The following CCDC40 variants were observed in gnomAD, a reference collection of about 807,000 sequenced individuals.
The protein encoded by CCDC40 is coiled-coil domain-containing protein 40.
In CCDC40, 104 loss-of-function variants were observed where a neutral mutation model predicts 124.5. The ratio of observed to expected loss-of-function variants is 0.84; its 90% confidence interval spans 0.71 to 0.98. The LOEUF (loss-of-function observed/expected upper bound fraction) is 0.98. CCDC40 is among the 50% of genes least tolerant of loss of function. The pLI is 0.00. For missense variants in CCDC40, 1,463 were observed against 1,503.9 expected, an observed-to-expected ratio of 0.97 and a Z score of 0.45; for synonymous variants, 580 against 602.9, an observed-to-expected ratio of 0.96 and a Z score of 0.56.
At chr17:80,071,024 C>T (rs1335487670) in intron 10 of CCDC40, among the ~76,000 whole-genome samples, 2 of 152,184 alleles carry the variant, frequency 1.3e-5, no homozygotes, top group Non-Finnish European at 2.9e-5. Flanking sequence ...AAGACCGCAG[C>T]GGTCCAGGCA....
intron 7 of CCDC40, among the ~76,000 whole-genome samples, chr17:80,054,987 T>A (rs533124738): frequency 5.5e-5 from 8 of 145,786 alleles, no homozygotes; most frequent in Admixed American, 3.4e-4. Flanking sequence ...AAAAAAAAAA[T>A]AAATAAATCA....
intron 10 of CCDC40, chr17:80,067,789 A>C: frequency 2.1e-6 from 3 of 1,457,490 alleles, no homozygotes; most frequent in Non-Finnish European, 2.7e-6. Context: ...CGCCCCCGGC[A>C]GCGGTGTTTC....
intron 9 of CCDC40, 118 bp downstream of exon 9, chr17:80,059,098 G>A (rs2143651353): frequency 1.5e-6 from 2 of 1,301,584 alleles, no homozygotes; most frequent in South Asian, 1.2e-5. Context: ...ACTGCAGCCA[G>A]CTTACATCTG....
chr17:80,055,999 TATATATATATA>T (rs1568682589), intron 7 of CCDC40, among the ~76,000 whole-genome samples: 36 of 15,032 alleles, frequency 2.4e-3, no homozygotes, highest in African/African-American at 5.0e-3. Context: ...TATATATATA[TATATATATATA>T]TATATATTTT....
chr17:80,059,813 G>A (rs920206532), intron 9 of CCDC40, among the ~76,000 whole-genome samples: 2 of 151,994 alleles, frequency 1.3e-5, no homozygotes, highest in African/African-American at 4.8e-5. Flanking sequence ...ACCCACCTCG[G>A]CCTCCCAAAG....
rs8080522 is a variant in CCDC40 at position 80,066,676 on chromosome 17, T to C, written c.1562+1070T>C. Reference sequence around the variant, plus strand: ...AGGGTGAGACAGAGAACTGCTTGAATTGCGGAGGTTGTAGTGAGCCGAGAT... The same window carrying C: ...AGGGTGAGACAGAGAACTGCTTGAACTGCGGAGGTTGTAGTGAGCCGAGAT... On this transcript the variant is annotated intron_variant, in intron 10 of 19. Transcript: ENST00000397545. The surrounding 1 kb of genome is among the most constrained non-coding windows in gnomAD (Gnocchi z 4.4). 18,680 of 156,938 alleles carry C rather than the reference T, an allele frequency of 0.12. 3,672 individuals carry two copies. Among genetic ancestry groups the C allele is most frequent in the African/African-American group, 0.42 (17,265 of 41,378 alleles). 9.7% of individuals were successfully genotyped at this position (156,938 alleles called of 1,614,324 possible).
rs1982244 is a variant in CCDC40 at position 80,095,149 on chromosome 17, C to T, written c.2833-114C>T. 0.24 allele frequency: 235,212 copies of T among 983,532 alleles called. 29,728 individuals carry two copies. Among genetic ancestry groups the T allele is most frequent in the East Asian group, 0.41 (16,253 of 39,416 alleles). 60.9% of individuals were successfully genotyped at this position (983,532 alleles called of 1,614,324 possible). On this transcript the variant is annotated intron_variant, in intron 17 of 19. Coordinates refer to ENST00000397545, the MANE Select transcript of CCDC40 (RefSeq NM_017950.4). Reference sequence around the variant, plus strand: ...GGCGGCACAGGCCTCACTGTTTCCCCGCCGATCCCCATGCGTGTCACCGGA... The same window carrying T: ...GGCGGCACAGGCCTCACTGTTTCCCTGCCGATCCCCATGCGTGTCACCGGA...
At position 80,057,136 on chromosome 17, in the gene CCDC40, C is replaced by CT. The variant is rs199830007; in HGVS notation, c.1160-1349dup. 6.6e-5 allele frequency among the ~76,000 whole-genome samples: 10 copies of CT among 150,548 alleles called. No individual in the cohort carries two copies. In the East Asian group the frequency reaches 1.2e-3, roughly 18 times the overall value. On this transcript the variant is annotated intron_variant, in intron 7 of 19. Transcript: ENST00000397545. ...GCAAGCTATATTAATGCACAGGTTG[C>CT]TTTTTTTTTGAGACAGAGTCTCACT...
chr17:80,056,190 AAAGTCAC>A (rs1368533190), intron 7 of CCDC40, among the ~76,000 whole-genome samples: 11 of 150,738 alleles, frequency 7.3e-5, no homozygotes, highest in African/African-American at 2.4e-4. Context: ...ATATCTAAGC[AAAGTCAC>A]AAGGGTGTGT....
chr17:80,045,864 C>T (rs993789389), intron 3 of CCDC40, among the ~76,000 whole-genome samples: 1 of 151,712 alleles, frequency 6.6e-6, no homozygotes, highest in African/African-American at 2.4e-5. Context: ...AACACTTCTG[C>T]TAGGACAGCT....
chr17:80,052,445 T>C (rs533499814), intron 7 of CCDC40, among the ~76,000 whole-genome samples: 1 of 152,166 alleles, frequency 6.6e-6, no homozygotes, highest in East Asian at 1.9e-4. Context: ...CCCACCCAGA[T>C]TGGGGGTGGG....
At chr17:80,044,716 A>AATATATATATATATATATAT (rs10582928) in intron 3 of CCDC40, among the ~76,000 whole-genome samples, 11 of 131,734 alleles carry the variant, frequency 8.4e-5, no homozygotes, top group South Asian at 2.3e-4. Flanking sequence ...CAAAAAAAAA[A>AATATATATATATATATATAT]ATATATATAT....
intron 16 of CCDC40, chr17:80,089,514 C>G: frequency 2.3e-6 from 1 of 435,708 alleles, no homozygotes; most frequent in Non-Finnish European, 4.4e-6. Context: ...CCTGTTCTCT[C>G]TCTCTCTGTC....
intron 13 of CCDC40, 76 bp downstream of exon 13, chr17:80,085,064 C>T (rs1395179594): frequency 6.4e-7 from 1 of 1,555,126 alleles, no homozygotes. Context: ...TCAGATCCCC[C>T]ACGGTCAGAC....
At chr17:80,097,223 C>A in intron 18 of CCDC40, 22 bp from the exon 19 acceptor site, 1 of 1,613,672 alleles carries the variant, frequency 6.2e-7, no homozygotes, top group Non-Finnish European at 8.5e-7. Context: ...AGGGGCCCAG[C>A]ATGGTCCTGT....
In CCDC40 at chr17:80,047,354, A is replaced by AG; in HGVS notation, c.629dup (p.Ser210ArgfsTer59). The AG allele has an allele frequency of 1.2e-6, 2 of 1,613,750 alleles. No individual in the cohort carries two copies. The highest frequency in any genetic ancestry group is 1.7e-6 in the Non-Finnish European group (2 of 1,179,908). ...GCACCGCTTCCGGCTGAGCCACGGG[A>AG]GCGACATCGAGTCCTCAGACCTGGA... On this transcript the variant is annotated frameshift_variant, in exon 4 of 20. Coordinates refer to ENST00000397545, the MANE Select transcript of CCDC40 (RefSeq NM_017950.4). LOFTEE classifies it high-confidence loss of function.
chr17:80,070,310 C>A (rs888503393), intron 10 of CCDC40, among the ~76,000 whole-genome samples: 3 of 152,240 alleles, frequency 2.0e-5, no homozygotes, highest in African/African-American at 7.2e-5. Context: ...AATGTGCCCC[C>A]ATGGGCGGGC....
chr17:80,080,828 G>A (rs1017970032), intron 10 of CCDC40, among the ~76,000 whole-genome samples: 1 of 152,158 alleles, frequency 6.6e-6, no homozygotes, highest in Non-Finnish European at 1.5e-5. Context: ...CAGTGAGGGA[G>A]AAGGAACAAG....
At chr17:80,070,383 C>T (rs561223739) in intron 10 of CCDC40, among the ~76,000 whole-genome samples, 7 of 152,254 alleles carry the variant, frequency 4.6e-5, no homozygotes, top group Middle Eastern at 3.4e-3. Flanking sequence ...TCCCTTAAGC[C>T]CAGGAGTTCA....
Sources: allele counts gnomAD v4.1 joint callset (sites outside exome capture counted in the v4.1 genomes callset), GRCh38; gene constraint gnomAD v4.1.1; non-coding constraint Gnocchi (gnomAD v3.1); transcripts MANE v1.5; gene names NCBI Gene and HGNC (gene_info 2026-07-23, HGNC 2026-07-21).